The following NELFA variants were observed in gnomAD, a reference collection of about 807,000 sequenced individuals.
The protein encoded by NELFA is negative elongation factor A.
A neutral mutation model predicts 51.8 loss-of-function variants in NELFA; 35 were observed. The observed-to-expected ratio is 0.68, with a 90% confidence interval of 0.52 to 0.90. The LOEUF (loss-of-function observed/expected upper bound fraction) is 0.90, where lower values mean the gene tolerates loss of function less well. Ranked by LOEUF, NELFA falls within the 40% of genes least tolerant of loss-of-function variation. The pLI is 0.00. For missense variants in NELFA, 658 were observed against 746.4 expected (o/e 0.88, Z 1.38); for synonymous variants, 417 against 338.4 (o/e 1.23, Z -2.55).
In NELFA at chr4:1,986,752, C is replaced by A. The variant is rs531831636; in HGVS notation, c.635-350G>T. ...GAAGCCAGGCGCCTGGGCTTGAGGG[C>A]CGCCCTCCCAAGCCTTCTCCCCGTC... On this transcript the variant is annotated intron_variant, in intron 4 of 10. Transcript: ENST00000382882. Among the ~76,000 whole-genome samples the A allele has an allele frequency of 3.7e-5, 4 of 107,030 alleles. No individual in the cohort carries two copies. The South Asian group carries it at 1.4e-3, about 38-fold the overall frequency. The allele number at this position is 107,030 out of a possible 152,430, so 70.2% of individuals were successfully genotyped here.
rs200241383 is a variant in NELFA at position 1,987,958 on chromosome 4, G to A, written c.594C>T (p.His198=). 15 of 1,611,276 alleles carry A rather than the reference G, an allele frequency of 9.3e-6. No homozygotes were observed. The highest frequency in any genetic ancestry group is 1.7e-4 in the Middle Eastern group (1 of 6,060). ...TCCGCAGCAGCCCCCGGCCCTTGGC[G>A]TGGAAGGGCACCCCGGCGCTCCGCT... ...QLKRSAGVPF[H]AKGRGLLRKM... The change falls in exon 4 of 11, where the codon CAC becomes CAT. Residue 198 remains histidine (H), a synonymous_variant. Coordinates refer to ENST00000382882, the MANE Select transcript of NELFA (RefSeq NM_005663.5).
intron 1 of NELFA, chr4:2,007,268 C>A (rs1035034796): frequency 1.2e-5 from 3 of 243,130 alleles, no homozygotes; most frequent in African/African-American, 4.5e-5. Context: ...ATCCTATGAT[C>A]CTCACAATTC....
chr4:2,001,464 T>C (rs1463620240), intron 1 of NELFA, among the ~76,000 whole-genome samples: 1 of 152,148 alleles, frequency 6.6e-6, no homozygotes, highest in African/African-American at 2.4e-5. Context: ...GAATACAAAA[T>C]CAATGTGATT....
chr4:1,986,119 G>C lies in NELFA; in HGVS notation c.830C>G (p.Thr277Ser). Residue 277 changes from threonine (T) to serine (S), a missense_variant, in exon 6 of 11, where the codon ACT becomes AGT. Thr to Ser is a moderately conservative substitution (Grantham distance 58). This residue lies in a region of NELFA where 371 missense variants were observed against 448.3 expected (regional missense o/e 0.83). Coordinates refer to ENST00000382882, the MANE Select transcript of NELFA (RefSeq NM_005663.5). ...ACGCAGGCCCCAACCCCCACCGAGA[G>C]TCTTCCTTCTCCGCTTCGCCTCTCG... ...AGREAKRRRK[T>S]LDAEVVEKPA... 6.4e-7 allele frequency: 1 copy of C among 1,552,004 alleles called. No homozygotes were observed. Among genetic ancestry groups the C allele is most frequent in the South Asian group, 1.2e-5 (1 of 84,122 alleles).
chr4:1,990,170 C>T, intron 2 of NELFA: 1 of 451,404 alleles, frequency 2.2e-6, no homozygotes, highest in South Asian at 2.1e-5. Context: ...TCCTGGAGGG[C>T]TCCAGACACT....
intron 1 of NELFA, among the ~76,000 whole-genome samples, chr4:1,994,363 G>C (rs896030359): frequency 1.3e-5 from 2 of 152,142 alleles, no homozygotes; most frequent in Admixed American, 6.5e-5. Flanking sequence ...TCAGGAGTTC[G>C]AGATCAGCCT....
At chr4:1,990,688 CACA>C (rs1448527003) in intron 2 of NELFA, among the ~76,000 whole-genome samples, 1 of 152,260 alleles carries the variant, frequency 6.6e-6, no homozygotes, top group Non-Finnish European at 1.5e-5. Flanking sequence ...GGAGCTGGGG[CACA>C]ACGTTTGGGC....
At position 1,989,896 on chromosome 4, in the gene NELFA, G is replaced by A; in HGVS notation, c.383-27C>T. The A allele has an allele frequency of 3.1e-6, 5 of 1,604,234 alleles. No homozygotes were observed. The highest frequency in any genetic ancestry group is 4.3e-6 in the Non-Finnish European group (5 of 1,174,806). On this transcript the variant is annotated intron_variant, in intron 2 of 10. Coordinates refer to ENST00000382882, the MANE Select transcript of NELFA (RefSeq NM_005663.5). The surrounding 1 kb of genome is among the most constrained non-coding windows in gnomAD (Gnocchi z 4.8). ...TGCCGGTAAGAACCACATGAAGTTA[G>A]GGGCGCCCAGGCCGCAGACCTCCCG... is the stretch of plus-strand genomic sequence containing the variant.
rs1198244632 is a variant in NELFA at position 1,989,257 on chromosome 4, G to GT, written c.544+450dup. Among the ~76,000 whole-genome samples the GT allele has an allele frequency of 6.6e-6, 1 of 151,826 alleles. No individual in the cohort carries two copies. On this transcript the variant is annotated intron_variant, in intron 3 of 10. Coordinates refer to ENST00000382882, the MANE Select transcript of NELFA (RefSeq NM_005663.5). This position sits in a 1 kb window ranked among gnomAD's most constrained non-coding sequence, Gnocchi z 4.8. ...CACCATGCCCAGCCTAAATTCTGAAGTTTTTAAAGCATGTTTTCAGAACAT... is the reference window on the plus strand; with the variant it reads ...CACCATGCCCAGCCTAAATTCTGAAGTTTTTTAAAGCATGTTTTCAGAACAT...
chr4:1,998,627 A>G (rs1728493614), intron 1 of NELFA, among the ~76,000 whole-genome samples: 1 of 152,312 alleles, frequency 6.6e-6, no homozygotes, highest in South Asian at 2.1e-4. Flanking sequence ...GAACGAACAA[A>G]GCCTCCAAAA....
At chr4:1,997,507 T>G (rs1254396791) in intron 1 of NELFA, among the ~76,000 whole-genome samples, 1 of 152,270 alleles carries the variant, frequency 6.6e-6, no homozygotes, top group Non-Finnish European at 1.5e-5. Context: ...TTTGTTAATG[T>G]GGTGAATTAC....
chr4:1,998,535 C>T (rs1013420124), intron 1 of NELFA, among the ~76,000 whole-genome samples: 24 of 151,928 alleles, frequency 1.6e-4, no homozygotes, highest in Admixed American at 3.3e-4. Context: ...ATCCACAAAG[C>T]GGAACAAAGG....
chr4:1,985,556 C>T (rs913748815), intron 7 of NELFA, among the ~76,000 whole-genome samples: 3 of 152,222 alleles, frequency 2.0e-5, no homozygotes, highest in African/African-American at 7.2e-5. Flanking sequence ...CTCCAGCAAG[C>T]GTGGGGCAGG....
At chr4:1,987,660 G>A in intron 4 of NELFA, 1 of 493,558 alleles carries the variant, frequency 2.0e-6, no homozygotes, top group Non-Finnish European at 3.6e-6. Flanking sequence ...TCAGATCCCG[G>A]CCTTCCTGTC....
chr4:1,982,768 T>A lies in NELFA; in HGVS notation c.*551A>T, dbSNP rs1727923532. The A allele has an allele frequency of 6.6e-6, 1 of 151,546 alleles. No homozygotes were observed. 9.4% of individuals were successfully genotyped at this position (151,546 alleles called of 1,614,324 possible). ...TTTAATGGTTCAGATAGTTTTACAA[T>A]GAAAATAGGTACCCAAAGACTGTCT... On this transcript the variant is annotated 3_prime_UTR_variant, in exon 11 of 11. Coordinates refer to ENST00000382882, the MANE Select transcript of NELFA (RefSeq NM_005663.5).
intron 7 of NELFA, among the ~76,000 whole-genome samples, chr4:1,985,361 G>A (rs767187666): frequency 2.7e-4 from 41 of 152,306 alleles, no homozygotes; most frequent in African/African-American, 7.0e-4. Context: ...CACCTGCCGC[G>A]CCCCGTGGCT....
intron 2 of NELFA, 84 bp downstream of exon 2, chr4:1,991,460 A>G: frequency 6.9e-7 from 1 of 1,459,770 alleles, no homozygotes; most frequent in South Asian, 1.2e-5. Context: ...TAAAGGTCTA[A>G]AAATCAAATT....
chr4:1,986,591 C>T, intron 4 of NELFA, 189 bp from the exon 5 acceptor site: 1 of 832,308 alleles, frequency 1.2e-6, no homozygotes, highest in Non-Finnish European at 1.8e-6. Flanking sequence ...GAGCCACGAC[C>T]TCACACTTTG....
intron 9 of NELFA, 28 bp from the exon 10 acceptor site, chr4:1,983,723 C>G: frequency 2.5e-6 from 4 of 1,611,722 alleles, no homozygotes; most frequent in Non-Finnish European, 3.4e-6. Flanking sequence ...GTGTGGGTGC[C>G]AGGGCCCCGC....
Sources: gnomAD v4.1 joint callset for allele counts (sites outside exome capture counted in the v4.1 genomes callset) on GRCh38, gnomAD v4.1.1 for gene constraint, gnomAD v4.1.1 regional missense constraint, Gnocchi (gnomAD v3.1) non-coding constraint, MANE v1.5 for transcripts, NCBI Gene and HGNC (gene_info 2026-07-23, HGNC 2026-07-21) for gene names.